The following FAM168A variants were observed in gnomAD, a reference collection of about 807,000 sequenced individuals.
FAM168A encodes the protein family with sequence similarity 168 member A.
FAM168A carries 3 observed loss-of-function variants against 28.5 expected under a neutral mutation model. The ratio of observed to expected loss-of-function variants is 0.11; its 90% CI spans 0.05 to 0.27. The LOEUF (loss-of-function observed/expected upper bound fraction) is 0.27. Ranked by LOEUF, FAM168A falls within the 10% of genes least tolerant of loss-of-function variation. The pLI, the probability that FAM168A is intolerant of heterozygous loss-of-function variation, is 1.00. For synonymous variants in FAM168A, 122 were observed against 124.2 expected (o/e 0.98, Z 0.12); for missense variants, 222 against 311.5 (o/e 0.71, Z 2.16).
intron 1 of FAM168A, among the ~76,000 whole-genome samples, chr11:73,594,702 T>C (rs1452465143): frequency 6.6e-6 from 1 of 152,112 alleles, no homozygotes; most frequent in Non-Finnish European, 1.5e-5. Context: ...CTAATTTTTG[T>C]ATTTGTAGTA....
intron 1 of FAM168A, among the ~76,000 whole-genome samples, chr11:73,542,488 T>C (rs1943670086): frequency 6.6e-6 from 1 of 152,222 alleles, no homozygotes; most frequent in African/African-American, 2.4e-5. Flanking sequence ...ATGCTGATTC[T>C]AACCATTTCT....
chr11:73,493,576 A>T (rs771666014), intron 1 of FAM168A, among the ~76,000 whole-genome samples: 1 of 151,960 alleles, frequency 6.6e-6, no homozygotes, highest in Non-Finnish European at 1.5e-5. Flanking sequence ...CCACCATGCT[A>T]GGCTAATTTT....
chr11:73,425,339 G>A (rs1866869085), intron 3 of FAM168A, among the ~76,000 whole-genome samples: 1 of 152,202 alleles, frequency 6.6e-6, no homozygotes, highest in Non-Finnish European at 1.5e-5. Context: ...TTGCTTGTCT[G>A]TTATAAGAAT....
chr11:73,552,954 CTCAA>C (rs756488793), intron 1 of FAM168A, among the ~76,000 whole-genome samples: 9 of 152,014 alleles, frequency 5.9e-5, no homozygotes, highest in Non-Finnish European at 1.0e-4. Flanking sequence ...GAGATTCTGT[CTCAA>C]TCAATCAATC....
At chr11:73,410,657 G>A (rs1866592252) in intron 5 of FAM168A, 1 of 151,896 alleles carries the variant, frequency 6.6e-6, no homozygotes, top group Non-Finnish European at 1.5e-5. Context: ...TACTAAATGA[G>A]ATTAAAAAAA....
At chr11:73,580,001 A>G (rs1944224738) in intron 1 of FAM168A, among the ~76,000 whole-genome samples, 1 of 152,224 alleles carries the variant, frequency 6.6e-6, no homozygotes, top group South Asian at 2.1e-4. Context: ...ATTTGCCTTG[A>G]TACATGTTTA....
chr11:73,410,617 C>G (rs1866591841), intron 5 of FAM168A: 2 of 152,136 alleles, frequency 1.3e-5, no homozygotes, highest in Admixed American at 6.5e-5. Context: ...CCCCTGAGAT[C>G]ATCTTAATTC....
intron 1 of FAM168A, among the ~76,000 whole-genome samples, chr11:73,589,122 T>C (rs1485484353): frequency 6.6e-6 from 1 of 152,244 alleles, no homozygotes; most frequent in Non-Finnish European, 1.5e-5. Context: ...CATTTTGGTA[T>C]GGCAGCCAGA....
At chr11:73,443,305 G>A (rs1176164716) in intron 2 of FAM168A, among the ~76,000 whole-genome samples, 1 of 152,054 alleles carries the variant, frequency 6.6e-6, no homozygotes, top group African/African-American at 2.4e-5. Context: ...ACTTATTTGA[G>A]CACTTAATGT....
rs1273324776 is a variant in FAM168A, at chr11:73,447,594, G to T, written c.71-16824C>A. 1.2e-4 allele frequency among the ~76,000 whole-genome samples: 18 copies of T among 148,680 alleles called. No homozygotes were observed. The Admixed American group carries it at 1.2e-3, about 10-fold the overall frequency. On this transcript the variant is annotated intron_variant, in intron 2 of 7. Transcript: ENST00000356467. Reference sequence around the variant, plus strand: ...AAAAAAAAAATTCACCCCCCAATTTGTTAGGTCTAGTATCAGTCCAGTGAT... The same window carrying T: ...AAAAAAAAAATTCACCCCCCAATTTTTTAGGTCTAGTATCAGTCCAGTGAT...
intron 1 of FAM168A, among the ~76,000 whole-genome samples, chr11:73,573,773 C>T (rs959071664): frequency 4.6e-5 from 7 of 152,090 alleles, no homozygotes; most frequent in African/African-American, 1.7e-4. Context: ...GTCTGGGCAA[C>T]ATAGAGACCC....
At chr11:73,531,734 C>T (rs1943515784) in intron 1 of FAM168A, among the ~76,000 whole-genome samples, 1 of 151,848 alleles carries the variant, frequency 6.6e-6, no homozygotes, top group Admixed American at 6.6e-5. Context: ...TTTCTCTGCC[C>T]ACAATGCCTT....
At chr11:73,429,237 C>T (rs1027802757) in intron 3 of FAM168A, among the ~76,000 whole-genome samples, 7 of 152,040 alleles carry the variant, frequency 4.6e-5, no homozygotes, top group Admixed American at 4.6e-4. Context: ...ACTAGATTGG[C>T]AGAGAAAAGC....
chr11:73,430,902 G>A (rs1394557149), intron 2 of FAM168A, 132 bp from the exon 3 acceptor site: 2 of 651,056 alleles, frequency 3.1e-6, no homozygotes, highest in Non-Finnish European at 5.1e-6. Context: ...GTCTCTCCAT[G>A]GGCTATTCCA....
chr11:73,459,016 C>T (rs73544716), intron 2 of FAM168A, among the ~76,000 whole-genome samples: 12,428 of 152,188 alleles, frequency 0.082, 652 homozygotes, highest in Non-Finnish European at 0.11. Context: ...TTATTATATG[C>T]GGTTTTGTGA....
At chr11:73,442,726 C>T (rs961696914) in intron 2 of FAM168A, among the ~76,000 whole-genome samples, 9 of 151,582 alleles carry the variant, frequency 5.9e-5, no homozygotes, top group African/African-American at 2.2e-4. Context: ...GAAGATTGTT[C>T]CATGTATTCT....
chr11:73,547,704 T>C (rs1943776605), intron 1 of FAM168A, among the ~76,000 whole-genome samples: 1 of 152,122 alleles, frequency 6.6e-6, no homozygotes, highest in South Asian at 2.1e-4. Flanking sequence ...GACCATACTA[T>C]CTGGCAATTC....
chr11:73,535,067 G>T lies in FAM168A; in HGVS notation c.-19+62856C>A, dbSNP rs183863523. Among the ~76,000 whole-genome samples the T allele has an allele frequency of 2.2e-3, 337 of 152,260 alleles. 10 individuals are homozygous for T. The highest frequency in any genetic ancestry group is 6.8e-3 in the Middle Eastern group (2 of 294). Reference sequence around the variant, plus strand: ...ACCAGCCCTAGTGGAAAAACCTAAAGATACTGACATGTAGTTGCCCCACAC... The same window carrying T: ...ACCAGCCCTAGTGGAAAAACCTAAATATACTGACATGTAGTTGCCCCACAC... On this transcript the variant is annotated intron_variant, in intron 1 of 7. Transcript: ENST00000356467.
intron 1 of FAM168A, among the ~76,000 whole-genome samples, chr11:73,593,755 G>T (rs1944409572): frequency 6.6e-6 from 1 of 152,034 alleles, no homozygotes; most frequent in Non-Finnish European, 1.5e-5. Flanking sequence ...GCTTTCCATT[G>T]ATTATCTTAT....
Sources: allele counts gnomAD v4.1 joint callset (sites outside exome capture counted in the v4.1 genomes callset), GRCh38; gene constraint gnomAD v4.1.1; transcripts MANE v1.5; gene names NCBI Gene and HGNC (gene_info 2026-07-23, HGNC 2026-07-21).